The following SLC25A13 variants were observed in gnomAD, a reference collection of about 807,000 sequenced individuals.
The protein encoded by SLC25A13 is solute carrier family 25 member 13, also known as electrogenic aspartate/glutamate antiporter SLC25A13, mitochondrial.
Under a neutral mutation model 85.5 loss-of-function variants are expected in SLC25A13, and 70 were observed. The observed-to-expected ratio is 0.82, with a 90% CI of 0.68 to 1.00. The LOEUF (loss-of-function observed/expected upper bound fraction) is 1.00. SLC25A13 is among the 50% of genes least tolerant of loss of function. The probability of loss-of-function intolerance (pLI) is 0.00; values close to 1 mark genes in which losing one functional copy is unlikely to be tolerated. For synonymous variants in SLC25A13, 259 were observed against 288.7 expected (o/e 0.90, Z 1.04); for missense variants, 765 against 819.8 (o/e 0.93, Z 0.82).
rs751519181 is a variant in SLC25A13 at position 96,302,187 on chromosome 7, C to A, written c.16-5236G>T. Among the ~76,000 whole-genome samples the A allele has an allele frequency of 2.0e-5, 3 of 152,060 alleles. No homozygotes were observed. In the East Asian group the frequency reaches 5.8e-4, roughly 29 times the overall value. On this transcript the variant is annotated intron_variant, in intron 1 of 17. Transcript: ENST00000265631. Reference sequence around the variant, plus strand: ...TACATCCTAGAAATAAAAAGAAAAACAATAACACAATTTCAAGAACTGGTG... The same window carrying A: ...TACATCCTAGAAATAAAAAGAAAAAAAATAACACAATTTCAAGAACTGGTG...
chr7:96,149,993 A>G (rs1416565486), intron 13 of SLC25A13, among the ~76,000 whole-genome samples: 3 of 152,180 alleles, frequency 2.0e-5, no homozygotes, highest in Non-Finnish European at 2.9e-5. Flanking sequence ...TTTTGTCACA[A>G]ATCATTTCCC....
At chr7:96,208,771 C>G in intron 5 of SLC25A13, 67 bp downstream of exon 5, 1 of 1,591,410 alleles carries the variant, frequency 6.3e-7, no homozygotes, top group Admixed American at 1.7e-5. Context: ...TCCCAAAGTG[C>G]TAGGATTATA....
rs58984088 is a variant in SLC25A13 at position 96,128,939 on chromosome 7, GCTCTCTCTCTCTCT to G, written c.1591+2790_1591+2803del. 3.8e-4 allele frequency among the ~76,000 whole-genome samples: 31 copies of G among 81,902 alleles called. No homozygotes were observed. The Middle Eastern group carries it at 0.029, about 76-fold the overall frequency. The allele number at this position is 81,902 out of a possible 152,430, so 53.7% of individuals were successfully genotyped here. On this transcript the variant is annotated intron_variant, in intron 15 of 17. Coordinates refer to ENST00000265631, the MANE Select transcript of SLC25A13 (RefSeq NM_014251.3). Reference sequence around the variant, plus strand: ...AGACACTGCAGCTTCTGCCTTGCTTGCTCTCTCTCTCTCTCTCTCTCTCTCTCTCTCTCTCTCTC... The same window carrying G: ...AGACACTGCAGCTTCTGCCTTGCTTGCTCTCTCTCTCTCTCTCTCTCTCTC...
intron 13 of SLC25A13, among the ~76,000 whole-genome samples, chr7:96,156,933 T>G (rs1793291825): frequency 1.3e-5 from 2 of 152,206 alleles, no homozygotes; most frequent in South Asian, 4.1e-4. Flanking sequence ...TATACTGATG[T>G]AGGTTTTGTC....
intron 14 of SLC25A13, among the ~76,000 whole-genome samples, chr7:96,136,995 T>C (rs934252123): frequency 6.6e-6 from 1 of 152,182 alleles, no homozygotes; most frequent in African/African-American, 2.4e-5. Flanking sequence ...TTATTTGGCA[T>C]GTATAATTAT....
intron 1 of SLC25A13, among the ~76,000 whole-genome samples, chr7:96,310,823 T>G (rs1416386573): frequency 6.6e-6 from 1 of 152,234 alleles, no homozygotes; most frequent in African/African-American, 2.4e-5. Context: ...GTTGGATTTT[T>G]TTAATTCCAT....
At chr7:96,148,261 A>C (rs920605355) in intron 13 of SLC25A13, among the ~76,000 whole-genome samples, 1 of 152,120 alleles carries the variant, frequency 6.6e-6, no homozygotes, top group African/African-American at 2.4e-5. Flanking sequence ...GAGATGATAC[A>C]CCCACAGGCT....
chr7:96,284,449 T>C (rs897134816), intron 2 of SLC25A13, among the ~76,000 whole-genome samples: 2 of 152,210 alleles, frequency 1.3e-5, no homozygotes, highest in African/African-American at 2.4e-5. Flanking sequence ...AAAACAATTA[T>C]AAAAATCCAA....
At chr7:96,266,760 T>C (rs545246816) in intron 3 of SLC25A13, among the ~76,000 whole-genome samples, 2 of 152,262 alleles carry the variant, frequency 1.3e-5, no homozygotes, top group African/African-American at 4.8e-5. Context: ...CCCCATGATT[T>C]CAGACATCAA....
intron 11 of SLC25A13, among the ~76,000 whole-genome samples, chr7:96,177,005 G>A (rs1262510824): frequency 6.6e-6 from 1 of 151,910 alleles, no homozygotes; most frequent in Admixed American, 6.6e-5. Flanking sequence ...ACTATCTATT[G>A]GTTTATTTTG....
chr7:96,279,199 T>C (rs1046749677), intron 2 of SLC25A13, among the ~76,000 whole-genome samples: 1 of 152,226 alleles, frequency 6.6e-6, no homozygotes, highest in Non-Finnish European at 1.5e-5. Flanking sequence ...TGTGTGAACA[T>C]GCCCTTTACT....
intron 5 of SLC25A13, among the ~76,000 whole-genome samples, chr7:96,206,584 C>T (rs1306759552): frequency 1.3e-5 from 2 of 152,154 alleles, no homozygotes; most frequent in African/African-American, 4.8e-5. Context: ...GACTAGGACA[C>T]AAAAGCAAGG....
chr7:96,302,307 G>C (rs928515605), intron 1 of SLC25A13, among the ~76,000 whole-genome samples: 1 of 152,230 alleles, frequency 6.6e-6, no homozygotes, highest in African/African-American at 2.4e-5. Flanking sequence ...ATATGAGTTA[G>C]AGCAGCCATA....
At chr7:96,295,402 A>G (rs933319060) in intron 2 of SLC25A13, among the ~76,000 whole-genome samples, 4 of 152,186 alleles carry the variant, frequency 2.6e-5, no homozygotes, top group African/African-American at 9.6e-5. Context: ...AGTAGAGAGA[A>G]CAGTGTAATA....
intron 3 of SLC25A13, among the ~76,000 whole-genome samples, chr7:96,259,143 T>C (rs984826350): frequency 2.6e-5 from 4 of 152,128 alleles, no homozygotes; most frequent in Non-Finnish European, 4.4e-5. Context: ...CATTCAGACA[T>C]AGGCATATGC....
intron 12 of SLC25A13, 116 bp from the exon 13 acceptor site, chr7:96,170,241 C>A: frequency 1.1e-6 from 1 of 878,424 alleles, no homozygotes; most frequent in South Asian, 1.4e-5. Flanking sequence ...TTGGAGTAAT[C>A]ATAAATTGCA....
At chr7:96,125,216 G>A in intron 15 of SLC25A13, among the ~76,000 whole-genome samples, 1 of 152,070 alleles carries the variant, frequency 6.6e-6, no homozygotes, top group South Asian at 2.1e-4. Flanking sequence ...AGCCTCCTGA[G>A]TAGCTGGGAT....
chr7:96,156,406 C>A (rs1056797004), intron 13 of SLC25A13, among the ~76,000 whole-genome samples: 1 of 152,088 alleles, frequency 6.6e-6, no homozygotes, highest in Non-Finnish European at 1.5e-5. Flanking sequence ...AAGAGATTCT[C>A]GTGCCTCAGC....
chr7:96,127,726 A>C (rs2116407146), intron 15 of SLC25A13, among the ~76,000 whole-genome samples: 1 of 152,364 alleles, frequency 6.6e-6, no homozygotes, highest in East Asian at 1.9e-4. Context: ...GTACATATAA[A>C]AATAGCCATG....
Sources: allele counts gnomAD v4.1 joint callset (sites outside exome capture counted in the v4.1 genomes callset), GRCh38; gene constraint gnomAD v4.1.1; transcripts MANE v1.5; gene names NCBI Gene and HGNC (gene_info 2026-07-23, HGNC 2026-07-21).